The following RPS6KB1 variants were observed in gnomAD, a reference collection of about 807,000 sequenced individuals.
RPS6KB1 encodes ribosomal protein S6 kinase beta-1.
RPS6KB1 carries 12 observed loss-of-function variants against 70.2 expected under a neutral mutation model. The ratio of observed to expected loss-of-function variants is 0.17; its 90% CI spans 0.11 to 0.28. RPS6KB1 has a LOEUF of 0.28. Ranked by LOEUF, RPS6KB1 falls within the 10% of genes least tolerant of loss-of-function variation. The pLI, the probability that RPS6KB1 is intolerant of heterozygous loss-of-function variation, is 1.00. For synonymous variants in RPS6KB1, 175 were observed against 211.2 expected (o/e 0.83, Z 1.49); for missense variants, 270 against 646.6 (o/e 0.42, Z 6.32).
chr17:59,904,446 T>C (rs1490011534), intron 1 of RPS6KB1, among the ~76,000 whole-genome samples: 4 of 151,508 alleles, frequency 2.6e-5, no homozygotes, highest in Non-Finnish European at 4.4e-5. Flanking sequence ...CAGGCTGGAG[T>C]GCAGTGGCGC....
chr17:59,893,764 C>T lies in RPS6KB1; in HGVS notation c.141+439C>T, dbSNP rs2041305277. ...TGAATCTTCAGACCTCCCACAACCA[C>T]CTCTCTTCTCGGCCTGTCGCTTCTC... On this transcript the variant is annotated intron_variant, in intron 1 of 14. Transcript: ENST00000225577. This position sits in a 1 kb window ranked among gnomAD's most constrained non-coding sequence, Gnocchi z 4.1. 5.0e-6 allele frequency: 5 copies of T among 991,842 alleles called. No homozygotes were observed. The South Asian group carries it at 1.8e-4, about 36-fold the overall frequency. 61.4% of individuals were successfully genotyped at this position (991,842 alleles called of 1,614,324 possible). A position where few individuals can be genotyped will look rare whatever the true frequency, so the allele number is the denominator to read the frequency against.
intron 4 of RPS6KB1, 38 bp from the exon 5 acceptor site, chr17:59,926,397 C>G (rs757914967): frequency 2.2e-6 from 3 of 1,392,906 alleles, no homozygotes; most frequent in Admixed American, 2.2e-5. Flanking sequence ...TAAAAATGTT[C>G]ACTATTTTGT....
chr17:59,941,046 T>G, intron 13 of RPS6KB1, 103 bp downstream of exon 13: 1 of 599,314 alleles, frequency 1.7e-6, no homozygotes, highest in Non-Finnish European at 2.9e-6. Context: ...GTAGGTAACC[T>G]GGCCCACTTT....
At chr17:59,895,787 C>T (rs985220265) in intron 1 of RPS6KB1, among the ~76,000 whole-genome samples, 3 of 151,508 alleles carry the variant, frequency 2.0e-5, no homozygotes, top group Non-Finnish European at 2.9e-5. Flanking sequence ...CGCGCACCAC[C>T]ATGCCTGGCT....
intron 4 of RPS6KB1, among the ~76,000 whole-genome samples, chr17:59,920,748 G>T (rs1171433425): frequency 6.6e-6 from 1 of 152,180 alleles, no homozygotes; most frequent in Non-Finnish European, 1.5e-5. Flanking sequence ...ACCCAGGCTG[G>T]AGTGCAGTGG....
At chr17:59,898,590 A>G (rs930234461) in intron 1 of RPS6KB1, among the ~76,000 whole-genome samples, 14 of 151,612 alleles carry the variant, frequency 9.2e-5, no homozygotes, top group African/African-American at 1.7e-4. Context: ...AGTAGCTGGG[A>G]TTACAGGTGC....
rs535389581 is a variant in RPS6KB1 at position 59,928,351 on chromosome 17, C to G, written c.530-1766C>G. On this transcript the variant is annotated intron_variant, in intron 5 of 14. Coordinates refer to ENST00000225577, the MANE Select transcript of RPS6KB1 (RefSeq NM_003161.4). ...GTTACAGACATGATTTCCCTTTACC[C>G]CTAAAATTTCAGTGTATGTTTTCTT... Among the ~76,000 whole-genome samples the G allele has an allele frequency of 4.0e-5, 6 of 151,650 alleles. No homozygotes were observed. In the South Asian group the frequency reaches 1.3e-3, roughly 32 times the overall value.
Position 59,904,842 on chromosome 17 carries a change from A to G in RPS6KB1, c.142-5720A>G, listed in dbSNP as rs148532367. ...CTCCCGAGTAGCTGGGACTACAGGC[A>G]CTCGCCACCATATCCAGCTCATTTT... On this transcript the variant is annotated intron_variant, in intron 1 of 14. Coordinates refer to ENST00000225577, the MANE Select transcript of RPS6KB1 (RefSeq NM_003161.4). 4.2e-3 allele frequency among the ~76,000 whole-genome samples: 636 copies of G among 149,780 alleles called. 6 individuals carry two copies. Among genetic ancestry groups the G allele is most frequent in the African/African-American group, 0.014 (581 of 40,588 alleles).
At chr17:59,915,773 A>G (rs1339343177) in intron 4 of RPS6KB1, among the ~76,000 whole-genome samples, 3 of 86,220 alleles carry the variant, frequency 3.5e-5, no homozygotes, top group Admixed American at 1.2e-4. Flanking sequence ...GCCTACTGCT[A>G]TCTTTTTTTT....
chr17:59,902,012 T>TA (rs759292909), intron 1 of RPS6KB1, among the ~76,000 whole-genome samples: 2,280 of 52,712 alleles, frequency 0.043, 106 homozygotes, highest in African/African-American at 0.14. Context: ...AACCTGTCTC[T>TA]AAAAAAAAAA....
At chr17:59,922,143 C>T (rs1291830249) in intron 4 of RPS6KB1, among the ~76,000 whole-genome samples, 2 of 150,878 alleles carry the variant, frequency 1.3e-5, no homozygotes, top group African/African-American at 2.4e-5. Flanking sequence ...TGGGTTCAAG[C>T]GATTCTCCTG....
In RPS6KB1 at chr17:59,893,748, A is replaced by G. The variant is rs553079146; in HGVS notation, c.141+423A>G. On this transcript the variant is annotated intron_variant, in intron 1 of 14. Transcript: ENST00000225577. This position sits in a 1 kb window ranked among gnomAD's most constrained non-coding sequence, Gnocchi z 4.1. ...CTAGAATTTCAAGTATTGAATCTTC[A>G]GACCTCCCACAACCACCTCTCTTCT... 2 of 994,282 alleles carry G rather than the reference A, an allele frequency of 2.0e-6. No individual in the cohort carries two copies. Among genetic ancestry groups the G allele is most frequent in the African/African-American group, 3.5e-5 (2 of 57,464 alleles). 61.6% of individuals were successfully genotyped at this position (994,282 alleles called of 1,614,324 possible).
intron 3 of RPS6KB1, among the ~76,000 whole-genome samples, chr17:59,913,110 C>T (rs1426819004): frequency 6.6e-6 from 1 of 152,136 alleles, no homozygotes; most frequent in Non-Finnish European, 1.5e-5. Context: ...TAAATGGTAT[C>T]CTCTTTAAAA....
At chr17:59,922,277 G>T (rs2043310899) in intron 4 of RPS6KB1, among the ~76,000 whole-genome samples, 1 of 152,022 alleles carries the variant, frequency 6.6e-6, no homozygotes, top group Non-Finnish European at 1.5e-5. Context: ...CTGACCTCAG[G>T]TGAGCCGCTC....
At chr17:59,900,170 A>AC (rs1491137690) in intron 1 of RPS6KB1, among the ~76,000 whole-genome samples, 112 of 122,576 alleles carry the variant, frequency 9.1e-4, no homozygotes, top group African/African-American at 3.4e-3. Flanking sequence ...CCTAATTGCT[A>AC]AACACACACA....
chr17:59,947,295 CT>C lies in RPS6KB1; in HGVS notation c.*515del, dbSNP rs200194783. 72,169 of 990,766 alleles carry C rather than the reference CT, an allele frequency of 0.073. 3,056 individuals carry two copies. The highest frequency in any genetic ancestry group is 0.17 in the Middle Eastern group (369 of 2,162). The allele number at this position is 990,766 out of a possible 1,614,324, so 61.4% of individuals were successfully genotyped here. On this transcript the variant is annotated 3_prime_UTR_variant, in exon 15 of 15. Coordinates refer to ENST00000225577, the MANE Select transcript of RPS6KB1 (RefSeq NM_003161.4). The stretch of plus-strand genomic sequence containing the variant: ...TGTTTTACGTGCAAACAACCTGAAT[CT>C]TTTTTTTATATAAATATATATTTTT...
intron 13 of RPS6KB1, among the ~76,000 whole-genome samples, chr17:59,945,019 CT>C (rs1400919106): frequency 6.6e-6 from 1 of 152,062 alleles, no homozygotes; most frequent in Non-Finnish European, 1.5e-5. Flanking sequence ...CCAGGCTGGT[CT>C]TTAACTCCTG....
intron 1 of RPS6KB1, among the ~76,000 whole-genome samples, chr17:59,908,192 A>G (rs1477270535): frequency 6.6e-6 from 1 of 151,738 alleles, no homozygotes; most frequent in Non-Finnish European, 1.5e-5. Context: ...TACACAAAAT[A>G]TACATTTTTT....
rs1471739715 is a variant in RPS6KB1 at position 59,947,542 on chromosome 17, T to C, written c.*754T>C. 6.5e-7 allele frequency: 1 copy of C among 1,536,580 alleles called. No homozygotes were observed. The highest frequency in any genetic ancestry group is 2.5e-5 in the East Asian group (1 of 40,520). ...ACCCAGCTGCAATACCTGTCTGTAA[T>C]ATGAGAAAAAAAAAATGAATCTATT... On this transcript the variant is annotated 3_prime_UTR_variant, in exon 15 of 15. Transcript: ENST00000225577.
Sources: gnomAD v4.1 joint callset for allele counts (sites outside exome capture counted in the v4.1 genomes callset) on GRCh38, gnomAD v4.1.1 for gene constraint, Gnocchi (gnomAD v3.1) non-coding constraint, MANE v1.5 for transcripts, NCBI Gene and HGNC (gene_info 2026-07-23, HGNC 2026-07-21) for gene names.